Variants in CHODL observed in about 807,000 individuals in gnomAD.
CHODL encodes the protein chondrolectin.
Under a neutral mutation model 34.5 loss-of-function variants are expected in CHODL, and 29 were observed. That is an observed-to-expected ratio of 0.84 (90% CI 0.63 to 1.15). The LOEUF (loss-of-function observed/expected upper bound fraction) is 1.15. Among genes scored for constraint, CHODL ranks in the 50% most tolerant of loss-of-function variants. The pLI is 0.00. For missense variants in CHODL, 332 were observed against 332.5 expected (o/e 1.00, Z 0.01); for synonymous variants, 125 against 116.1 (o/e 1.08, Z -0.49).
intron 2 of CHODL, among the ~76,000 whole-genome samples, chr21:18,189,350 A>T (rs949041084): frequency 6.6e-6 from 1 of 152,134 alleles, no homozygotes; most frequent in Non-Finnish European, 1.5e-5. Context: ...TTAAAAAATC[A>T]TTTTTTTGAA....
chr21:18,080,248 G>A (rs1304339265), intron 2 of CHODL, among the ~76,000 whole-genome samples: 1 of 152,000 alleles, frequency 6.6e-6, no homozygotes, highest in Non-Finnish European at 1.5e-5. Flanking sequence ...TTTGTTGGAC[G>A]CATAGTTTGT....
At chr21:18,172,483 C>T (rs2073244183) in intron 2 of CHODL, among the ~76,000 whole-genome samples, 1 of 152,092 alleles carries the variant, frequency 6.6e-6, no homozygotes, top group Non-Finnish European at 1.5e-5. Flanking sequence ...TTTATTTTTT[C>T]AGGGTCACTT....
chr21:18,140,650 G>C (rs1234784416), intron 2 of CHODL, among the ~76,000 whole-genome samples: 1 of 152,108 alleles, frequency 6.6e-6, no homozygotes, highest in African/African-American at 2.4e-5. Flanking sequence ...CAGAAAATGG[G>C]ACTAAGAAGG....
At chr21:18,149,090 T>C (rs2072933945) in intron 2 of CHODL, among the ~76,000 whole-genome samples, 1 of 152,198 alleles carries the variant, frequency 6.6e-6, no homozygotes, top group Non-Finnish European at 1.5e-5. Flanking sequence ...TTCTTTCTGA[T>C]TTGTAAAAGT....
chr21:18,115,814 C>A lies in CHODL; in HGVS notation c.-45+87843C>A, dbSNP rs2065405658. ...CGGATTTCTCAAATGTATCCTGCTT[C>A]ATCTTCTACACCTGAGAAATCCTAG... On this transcript the variant is annotated intron_variant, in intron 2 of 6. Coordinates refer to the CHODL transcript ENST00000400127. 2.6e-5 allele frequency among the ~76,000 whole-genome samples: 4 copies of A among 152,174 alleles called. No individual in the cohort carries two copies. In the South Asian group the frequency reaches 8.3e-4, roughly 31 times the overall value.
intron 1 of CHODL, among the ~76,000 whole-genome samples, chr21:17,930,874 G>A (rs1297531351): frequency 6.6e-6 from 1 of 152,224 alleles, no homozygotes; most frequent in Non-Finnish European, 1.5e-5. Context: ...AAAGTTGTCT[G>A]TATTGAGCTG....
intron 2 of CHODL, among the ~76,000 whole-genome samples, chr21:18,149,990 T>A (rs2072944373): frequency 6.6e-6 from 1 of 152,192 alleles, no homozygotes; most frequent in Admixed American, 6.5e-5. Flanking sequence ...GTGGTTGAGA[T>A]GCAGCTTGAT....
At chr21:18,126,802 G>A (rs2065551165) in intron 2 of CHODL, among the ~76,000 whole-genome samples, 1 of 152,118 alleles carries the variant, frequency 6.6e-6, no homozygotes, top group Admixed American at 6.5e-5. Context: ...TCAACTCAAT[G>A]CTAGTAAAAA....
At chr21:17,935,436 G>C (rs182012290) in intron 1 of CHODL, among the ~76,000 whole-genome samples, 3 of 152,112 alleles carry the variant, frequency 2.0e-5, no homozygotes, top group Admixed American at 1.3e-4. Context: ...CCATTACTCC[G>C]TATTTCTTTT....
chr21:17,944,239 C>T (rs928828018), intron 1 of CHODL, among the ~76,000 whole-genome samples: 4 of 152,128 alleles, frequency 2.6e-5, no homozygotes, highest in Non-Finnish European at 1.5e-5. Context: ...TGCCCTATAA[C>T]CCTGCATAGA....
chr21:18,229,440 A>T (rs1378768448), intron 2 of CHODL, among the ~76,000 whole-genome samples: 1 of 152,170 alleles, frequency 6.6e-6, no homozygotes, highest in Non-Finnish European at 1.5e-5. Context: ...CTGAAGAAAC[A>T]CTGGTTAACA....
intron 2 of CHODL, among the ~76,000 whole-genome samples, chr21:18,136,750 A>ATG (rs2072737183): frequency 7.0e-6 from 1 of 142,296 alleles, no homozygotes; most frequent in Non-Finnish European, 1.5e-5. Context: ...ATATATATAT[A>ATG]TATGTATACA....
At chr21:17,957,509 G>A (rs1196813452) in intron 1 of CHODL, among the ~76,000 whole-genome samples, 1 of 152,100 alleles carries the variant, frequency 6.6e-6, no homozygotes, top group East Asian at 1.9e-4. Context: ...TTGTTGTAAT[G>A]TTATGAAGAA....
chr21:18,078,279 C>T (rs1030074184), intron 2 of CHODL, among the ~76,000 whole-genome samples: 5 of 152,078 alleles, frequency 3.3e-5, no homozygotes, highest in Non-Finnish European at 7.4e-5. Context: ...GGAAAGGCAC[C>T]TCCTATATGG....
intron 2 of CHODL, among the ~76,000 whole-genome samples, chr21:18,125,565 TTTAA>T (rs909526553): frequency 8.5e-5 from 13 of 152,052 alleles, no homozygotes; most frequent in African/African-American, 1.7e-4. Flanking sequence ...TATTTTTAAA[TTTAA>T]TTAATTGTAT....
chr21:18,085,668 G>A (rs1321133044), intron 2 of CHODL, among the ~76,000 whole-genome samples: 1 of 152,100 alleles, frequency 6.6e-6, no homozygotes, highest in East Asian at 1.9e-4. Context: ...CCAACAATTT[G>A]AAAATGTCAT....
chr21:18,245,126 A>C lies in CHODL; in HGVS notation c.-98A>C. 9.6e-7 allele frequency: 1 copy of C among 1,045,312 alleles called. No homozygotes were observed. Among genetic ancestry groups the C allele is most frequent in the Non-Finnish European group, 1.3e-6 (1 of 760,890 alleles). 64.8% of individuals were successfully genotyped at this position (1,045,312 alleles called of 1,614,324 possible). ...TCGGGCGGCGGGAGTAGGGCCCGGCAGGGAGGCAGGGAGGCTGCAGAGTCA... is the reference window on the plus strand; with the variant it reads ...TCGGGCGGCGGGAGTAGGGCCCGGCCGGGAGGCAGGGAGGCTGCAGAGTCA... On this transcript the variant is annotated 5_prime_UTR_variant, in exon 1 of 6. Coordinates refer to ENST00000299295, the MANE Select transcript of CHODL (RefSeq NM_024944.3).
intron 2 of CHODL, among the ~76,000 whole-genome samples, chr21:18,087,544 T>C (rs2065022563): frequency 6.6e-6 from 1 of 151,824 alleles, no homozygotes; most frequent in Non-Finnish European, 1.5e-5. Context: ...TTGTCCTAGA[T>C]ATATGCATAG....
intron 2 of CHODL, among the ~76,000 whole-genome samples, chr21:18,147,911 C>T (rs935317069): frequency 2.6e-5 from 4 of 152,186 alleles, no homozygotes; most frequent in Admixed American, 6.5e-5. Context: ...AAACCAGTCA[C>T]GCCAAGGGTC....
Sources: gnomAD v4.1 joint callset for allele counts (sites outside exome capture counted in the v4.1 genomes callset) on GRCh38, gnomAD v4.1.1 for gene constraint, MANE v1.5 for transcripts, NCBI Gene and HGNC (gene_info 2026-07-23, HGNC 2026-07-21) for gene names.